Variants in NLGN1 observed in about 807,000 individuals in gnomAD.
NLGN1 encodes neuroligin-1.
NLGN1 carries 12 observed loss-of-function variants against 65.5 expected under a neutral mutation model. That is an observed-to-expected ratio of 0.18 (90% CI 0.12 to 0.30). NLGN1 has a LOEUF of 0.30. Among genes scored for constraint, NLGN1 ranks in the 10% least tolerant of loss-of-function variants. The pLI, the probability that NLGN1 is intolerant of heterozygous loss-of-function variation, is 1.00. For synonymous variants in NLGN1, 350 were observed against 359.5 expected (o/e 0.97, Z 0.30); for missense variants, 750 against 1,007.1 (o/e 0.74, Z 3.46).
chr3:174,217,765 G>A (rs990634642), intron 4 of NLGN1, among the ~76,000 whole-genome samples: 1 of 151,976 alleles, frequency 6.6e-6, no homozygotes, highest in African/African-American at 2.4e-5. Context: ...GTAGGGTGAA[G>A]GCACCTAGAA....
At chr3:174,090,075 T>TA (rs1392649809) in intron 4 of NLGN1, among the ~76,000 whole-genome samples, 1 of 152,144 alleles carries the variant, frequency 6.6e-6, no homozygotes, top group Non-Finnish European at 1.5e-5. Flanking sequence ...ACTGCCTTAT[T>TA]AAAAAATGTA....
chr3:173,450,824 G>T (rs929394958), intron 2 of NLGN1, among the ~76,000 whole-genome samples: 3 of 151,976 alleles, frequency 2.0e-5, no homozygotes, highest in African/African-American at 7.2e-5. Flanking sequence ...GTCTTACATA[G>T]CTGATACCCT....
intron 4 of NLGN1, among the ~76,000 whole-genome samples, chr3:174,119,457 T>C (rs1717278818): frequency 6.6e-6 from 1 of 152,200 alleles, no homozygotes; most frequent in Non-Finnish European, 1.5e-5. Context: ...ATCCCCCTTG[T>C]CTTAAAATTT....
intron 4 of NLGN1, among the ~76,000 whole-genome samples, chr3:173,832,536 A>G (rs1167771067): frequency 6.6e-6 from 1 of 152,228 alleles, no homozygotes; most frequent in Admixed American, 6.5e-5. Flanking sequence ...TGTAAACATT[A>G]AAAACAAAAA....
intron 3 of NLGN1, among the ~76,000 whole-genome samples, chr3:173,610,206 T>C (rs1752074501): frequency 6.6e-6 from 1 of 151,832 alleles, no homozygotes; most frequent in South Asian, 2.1e-4. Flanking sequence ...CTGTGGGCTG[T>C]GAAAGAAAAG....
intron 4 of NLGN1, among the ~76,000 whole-genome samples, chr3:174,015,851 G>A (rs1434835493): frequency 2.6e-5 from 4 of 151,996 alleles, no homozygotes; most frequent in African/African-American, 7.2e-5. Flanking sequence ...CACAAACCAC[G>A]AAAAATGCTC....
At chr3:174,225,726 G>A (rs1335103859) in intron 4 of NLGN1, among the ~76,000 whole-genome samples, 2 of 148,602 alleles carry the variant, frequency 1.3e-5, no homozygotes, top group South Asian at 2.1e-4. Context: ...GCGAGACTCC[G>A]TCTCAAAAAA....
chr3:174,194,039 T>A (rs925593965), intron 4 of NLGN1, among the ~76,000 whole-genome samples: 2 of 152,160 alleles, frequency 1.3e-5, no homozygotes, highest in African/African-American at 2.4e-5. Context: ...TTTCATTCAC[T>A]AGATGACCAT....
chr3:174,270,059 T>C (rs1749056831), intron 4 of NLGN1, among the ~76,000 whole-genome samples: 2 of 151,676 alleles, frequency 1.3e-5, no homozygotes, highest in African/African-American at 2.4e-5. Flanking sequence ...TAAAAATTTC[T>C]GGATATTAAT....
At chr3:173,738,066 A>G (rs1188287511) in intron 3 of NLGN1, among the ~76,000 whole-genome samples, 1 of 152,040 alleles carries the variant, frequency 6.6e-6, no homozygotes, top group Non-Finnish European at 1.5e-5. Flanking sequence ...AGCAAAGCCT[A>G]TTTGGATTCT....
At chr3:174,155,358 T>C (rs968792263) in intron 4 of NLGN1, among the ~76,000 whole-genome samples, 1 of 151,820 alleles carries the variant, frequency 6.6e-6, no homozygotes, top group Non-Finnish European at 1.5e-5. Context: ...ATTTGGAAAG[T>C]AGACATTAGT....
chr3:173,766,213 C>T (rs547669665), intron 3 of NLGN1, among the ~76,000 whole-genome samples: 13 of 151,808 alleles, frequency 8.6e-5, no homozygotes, highest in Admixed American at 6.6e-5. Context: ...CTCAGCCTCC[C>T]GAGTAGGTGG....
Position 173,903,554 on chromosome 3 carries a change from A to G in NLGN1, c.646+95722A>G, listed in dbSNP as rs145629501. Among the ~76,000 whole-genome samples, 145 of 152,276 alleles carry G rather than the reference A, an allele frequency of 9.5e-4. 2 individuals are homozygous for G. In the East Asian group the frequency reaches 0.024, roughly 26 times the overall value. ...ATACTACTGCATTTTCCTATTTGTT[A>G]CTAGAGGTGACAGATGGAAGCTGCA... On this transcript the variant is annotated intron_variant, in intron 4 of 6. Coordinates refer to ENST00000457714, the Ensembl canonical transcript of NLGN1.
intron 3 of NLGN1, among the ~76,000 whole-genome samples, chr3:173,625,382 C>T (rs74590738): frequency 0.014 from 2,153 of 152,202 alleles, 53 homozygotes; most frequent in African/African-American, 0.049. Flanking sequence ...CATCCTGGTA[C>T]GTCTGCTTAG....
intron 2 of NLGN1, among the ~76,000 whole-genome samples, chr3:173,559,850 T>G (rs147649578): frequency 1.8e-4 from 27 of 152,140 alleles, no homozygotes; most frequent in African/African-American, 6.3e-4. Flanking sequence ...AACGATTTTC[T>G]GTCATGAAGA....
intron 4 of NLGN1, among the ~76,000 whole-genome samples, chr3:174,251,711 T>A (rs1744798627): frequency 6.6e-6 from 1 of 152,254 alleles, no homozygotes; most frequent in South Asian, 2.1e-4. Flanking sequence ...ATTAAGCTAC[T>A]ATAATTTGGC....
intron 2 of NLGN1, among the ~76,000 whole-genome samples, chr3:173,483,130 A>G (rs2148975192): frequency 6.6e-6 from 1 of 152,178 alleles, no homozygotes; most frequent in South Asian, 2.1e-4. Flanking sequence ...ATTCTTGGTA[A>G]AAAGCTCCTC....
At chr3:173,417,182 G>T (rs755214687) in intron 1 of NLGN1, among the ~76,000 whole-genome samples, 53 of 151,760 alleles carry the variant, frequency 3.5e-4, no homozygotes, top group Non-Finnish European at 5.9e-4. Flanking sequence ...CTATGGTGTC[G>T]CAAATTACAT....
chr3:174,118,217 T>C (rs757900671), intron 4 of NLGN1, among the ~76,000 whole-genome samples: 3 of 152,204 alleles, frequency 2.0e-5, no homozygotes. Flanking sequence ...CTCATGACCC[T>C]AATCACTTTC....
Sources: allele counts gnomAD v4.1 joint callset (sites outside exome capture counted in the v4.1 genomes callset), GRCh38; gene constraint gnomAD v4.1.1; transcripts MANE v1.5; gene names NCBI Gene and HGNC (gene_info 2026-07-23, HGNC 2026-07-21).